The following ANKRD28 variants were observed in gnomAD, a reference collection of about 807,000 sequenced individuals.
The protein encoded by ANKRD28 is ankyrin repeat domain 28.
Under a neutral mutation model 126.5 loss-of-function variants are expected in ANKRD28, and 44 were observed. The observed-to-expected ratio is 0.35, with a 90% CI of 0.27 to 0.45. The LOEUF is 0.45. Ranked by LOEUF, ANKRD28 falls within the 20% of genes least tolerant of loss-of-function variation. The pLI is 1.00. For synonymous variants in ANKRD28, 442 were observed against 468.5 expected (o/e 0.94, Z 0.73); for missense variants, 1,110 against 1,316.6 (o/e 0.84, Z 2.43).
chr3:15,685,082 A>T, intron 21 of ANKRD28, 144 bp downstream of exon 21: 1 of 741,204 alleles, frequency 1.3e-6, no homozygotes, highest in Non-Finnish European at 2.2e-6. Flanking sequence ...CCTACGTACT[A>T]AGTATTATTA....
At chr3:15,857,515 C>T (rs1274900289) in intron 1 of ANKRD28, among the ~76,000 whole-genome samples, 1 of 152,218 alleles carries the variant, frequency 6.6e-6, no homozygotes, top group Non-Finnish European at 1.5e-5. Flanking sequence ...GAACTCCTAA[C>T]CTCAAGTGAT....
chr3:15,735,330 G>A (rs1220049463), intron 6 of ANKRD28, 80 bp downstream of exon 6: 12 of 1,172,792 alleles, frequency 1.0e-5, no homozygotes, highest in Non-Finnish European at 1.1e-5. Flanking sequence ...AAAGACAAAT[G>A]CTATACAAAC....
chr3:15,686,116 C>A lies in ANKRD28; in HGVS notation c.2055G>T (p.Thr685=). The change falls in exon 20 of 28, where the codon ACG becomes ACT. Residue 685 remains threonine (T), a synonymous_variant. Transcript: ENST00000683139. ...CGTTGAGAACAGATAGCATCAGAGG[C>A]GTCCTGAGCAACAACAGGAATAGGT... ...AVDIQDGNGQ[T]PLMLSVLNGH... 6.2e-7 allele frequency: 1 copy of A among 1,612,358 alleles called. No homozygotes were observed. Among genetic ancestry groups the A allele is most frequent in the South Asian group, 1.1e-5 (1 of 90,708 alleles).
chr3:15,820,324 G>C (rs1172355564), intron 1 of ANKRD28, among the ~76,000 whole-genome samples: 1 of 152,030 alleles, frequency 6.6e-6, no homozygotes, highest in African/African-American at 2.4e-5. Context: ...TATTATACCT[G>C]ACAGTCTTTC....
upstream of ANKRD28, among the ~76,000 whole-genome samples, chr3:15,801,452 T>C (rs1575733057): frequency 6.6e-6 from 1 of 152,154 alleles, no homozygotes; most frequent in Non-Finnish European, 1.5e-5. The surrounding 1 kb of genome is among the most constrained non-coding windows in gnomAD (Gnocchi z 4.9). Flanking sequence ...AAGTGGCTAC[T>C]CTGTGGCAAG....
chr3:15,858,223 G>A (rs542607749), intron 1 of ANKRD28, among the ~76,000 whole-genome samples: 84 of 152,238 alleles, frequency 5.5e-4, no homozygotes, highest in Non-Finnish European at 1.2e-3. Flanking sequence ...TCTCTTATAG[G>A]ACAGAACAGT....
rs142809361 is a variant in ANKRD28, at chr3:15,782,891, T to C, written c.201+12332A>G. 2.6e-3 allele frequency among the ~76,000 whole-genome samples: 397 copies of C among 152,258 alleles called. 4 individuals carry two copies. Among genetic ancestry groups the C allele is most frequent in the East Asian group, 4.4e-3 (23 of 5,192 alleles). On this transcript the variant is annotated intron_variant, in intron 2 of 27. Coordinates refer to ENST00000683139, the MANE Select transcript of ANKRD28 (RefSeq NM_001349278.2). ...TTTTGTACAGAAGGCTGCATTTTCC[T>C]GGTGTACAAACTGTTAGCTGGCATA...
At position 15,830,615 on chromosome 3, in the gene ANKRD28, G is replaced by A. The variant is rs1043715816; in HGVS notation, c.27+28762C>T. 2.7e-5 allele frequency among the ~76,000 whole-genome samples: 4 copies of A among 150,108 alleles called. No individual in the cohort carries two copies. Among genetic ancestry groups the A allele is most frequent in the Admixed American group, 6.7e-5 (1 of 15,028 alleles). Reference sequence around the variant, plus strand: ...CATCCACGGAAAAATTGTCTTCCACGAAACTGGTCCCTGGTGCCAAAAACA... The same window carrying A: ...CATCCACGGAAAAATTGTCTTCCACAAAACTGGTCCCTGGTGCCAAAAACA... On this transcript the variant is annotated intron_variant, in intron 1 of 27. Coordinates refer to the ANKRD28 transcript ENST00000399451. The surrounding 1 kb of genome is among the most constrained non-coding windows in gnomAD (Gnocchi z 4.5).
rs781122085 is a variant in ANKRD28 at position 15,677,607 on chromosome 3, T to G, written c.2708-45A>C. ...CAATTCTTATGTTTATGAACATGTT[T>G]CTTAGATTACCAATAACTCACTGTA... On this transcript the variant is annotated intron_variant, in intron 24 of 27. Coordinates refer to ENST00000683139, the MANE Select transcript of ANKRD28 (RefSeq NM_001349278.2). 8.4e-6 allele frequency: 12 copies of G among 1,422,682 alleles called. No individual in the cohort carries two copies. In the South Asian group the frequency reaches 1.3e-4, roughly 16 times the overall value. 88.1% of individuals were successfully genotyped at this position (1,422,682 alleles called of 1,614,324 possible).
chr3:15,786,719 T>C (rs1469203332), intron 2 of ANKRD28, among the ~76,000 whole-genome samples: 1 of 152,134 alleles, frequency 6.6e-6, no homozygotes, highest in Admixed American at 6.6e-5. Flanking sequence ...ATTTAGGACA[T>C]AATTTATCAT....
intron 6 of ANKRD28, among the ~76,000 whole-genome samples, chr3:15,734,323 A>G (rs2074865645): frequency 6.6e-6 from 1 of 152,240 alleles, no homozygotes; most frequent in South Asian, 2.1e-4. Flanking sequence ...AAAAGACAAA[A>G]CCAAGAACAG....
rs75966836 is a variant in ANKRD28, at chr3:15,723,632, T to TA, written c.783+749dup. Among the ~76,000 whole-genome samples the TA allele has an allele frequency of 0.013, 1,949 of 151,646 alleles. 75 individuals are homozygous for TA. The East Asian group carries it at 0.13, about 10-fold the overall frequency. On this transcript the variant is annotated intron_variant, in intron 7 of 27. Coordinates refer to ENST00000683139, the MANE Select transcript of ANKRD28 (RefSeq NM_001349278.2). The stretch of plus-strand genomic sequence containing the variant: ...ACAGCAAGACCTCATCTCTACAAAA[T>TA]AAAAAAAATTAGCCTGTAGTTCTAG...
At chr3:15,750,487 A>G (rs1364544047) in intron 4 of ANKRD28, among the ~76,000 whole-genome samples, 5 of 152,212 alleles carry the variant, frequency 3.3e-5, no homozygotes, top group Admixed American at 3.3e-4. Flanking sequence ...TAAGTTCCAT[A>G]AGTTCATAAG....
Position 15,850,224 on chromosome 3 carries a change from T to TAGAGAGAGAGAGAGAG in ANKRD28, c.27+9137_27+9152dup, listed in dbSNP as rs375278547. On this transcript the variant is annotated intron_variant, in intron 1 of 27. Transcript: ENST00000399451. Reference sequence around the variant, plus strand: ...AAAAAAATATATATATATATATATATAGAGAGAGAGAGAGAGAGAGAGAGA... The same window carrying TAGAGAGAGAGAGAGAG: ...AAAAAAATATATATATATATATATATAGAGAGAGAGAGAGAGAGAGAGAGAGAGAGAGAGAGAGAGA... Among the ~76,000 whole-genome samples the TAGAGAGAGAGAGAGAG allele has an allele frequency of 3.5e-3, 123 of 35,100 alleles. 1 individual carries two copies. The highest frequency in any genetic ancestry group is 4.7e-3 in the Non-Finnish European group (79 of 16,756). The allele number at this position is 35,100 out of a possible 152,430, so 23.0% of individuals were successfully genotyped here. A position where few individuals can be genotyped will look rare whatever the true frequency, so the allele number is the denominator to read the frequency against.
intron 3 of ANKRD28, among the ~76,000 whole-genome samples, chr3:15,752,121 C>T (rs924614512): frequency 4.6e-5 from 7 of 151,766 alleles, no homozygotes; most frequent in African/African-American, 1.7e-4. Flanking sequence ...AAATCAGACC[C>T]CATTTTAGAA....
Position 15,711,260 on chromosome 3 carries a change from T to C in ANKRD28, c.1288A>G (p.Thr430Ala). 1 of 1,611,890 alleles carries C rather than the reference T, an allele frequency of 6.2e-7. No homozygotes were observed. ...KLLSSGFDIDTPDDFGRTCLH... is the reference protein window; with the variant it reads ...KLLSSGFDIDAPDDFGRTCLH... ...CAAGTCCTGCCAAAATCATCTGGGG[T>C]ATCTATATCAAATCCTACAAGAATG... The change falls in exon 12 of 28, where the codon ACC becomes GCC. Residue 430 changes from threonine to alanine, a missense_variant. By Grantham distance (58) the Thr-to-Ala change is moderately conservative (BLOSUM62 0). Transcript: ENST00000683139.
chr3:15,728,793 T>C (rs1035393488), intron 6 of ANKRD28, among the ~76,000 whole-genome samples: 2 of 152,148 alleles, frequency 1.3e-5, no homozygotes, highest in Non-Finnish European at 2.9e-5. Flanking sequence ...GCCAAAAAAC[T>C]CTTTTTCCTT....
At position 15,816,794 on chromosome 3, in the gene ANKRD28, T is replaced by C. The variant is rs772827148; in HGVS notation, c.28-21488A>G. On this transcript the variant is annotated intron_variant, in intron 1 of 27. Transcript: ENST00000399451. This position sits in a 1 kb window ranked among gnomAD's most constrained non-coding sequence, Gnocchi z 5.0. The stretch of plus-strand genomic sequence containing the variant: ...TCTTATAATCCAAGACACTGAGAGA[T>C]AGGAAGCTAGGATAATGAGTAAATC... Among the ~76,000 whole-genome samples the C allele has an allele frequency of 2.0e-5, 3 of 152,136 alleles. No homozygotes were observed. Among genetic ancestry groups the C allele is most frequent in the Admixed American group, 6.5e-5 (1 of 15,282 alleles).
At chr3:15,821,393 T>A (rs1021406114) in intron 1 of ANKRD28, among the ~76,000 whole-genome samples, 1 of 152,206 alleles carries the variant, frequency 6.6e-6, no homozygotes, top group African/African-American at 2.4e-5. Context: ...TTTTAGAAAA[T>A]GTAAAGATGT....
Sources: allele counts gnomAD v4.1 joint callset (sites outside exome capture counted in the v4.1 genomes callset), GRCh38; gene constraint gnomAD v4.1.1; non-coding constraint Gnocchi (gnomAD v3.1); transcripts MANE v1.5; gene names NCBI Gene and HGNC (gene_info 2026-07-23, HGNC 2026-07-21).